The following RPS6KC1 variants were observed in gnomAD, a reference collection of about 807,000 sequenced individuals.
The protein encoded by RPS6KC1 is ribosomal protein S6 kinase C1.
In RPS6KC1, 54 loss-of-function variants were observed where a neutral mutation model predicts 103.8. The observed-to-expected ratio is 0.52, with a 90% CI of 0.42 to 0.65. RPS6KC1 has a LOEUF of 0.65. RPS6KC1 is among the 30% of genes least tolerant of loss of function. RPS6KC1 has a pLI of 0.00. For synonymous variants in RPS6KC1, 439 were observed against 438.7 expected (o/e 1.00, Z -0.01); for missense variants, 1,151 against 1,253.8 (o/e 0.92, Z 1.24).
At chr1:213,151,235 C>T (rs1460243331) in intron 6 of RPS6KC1, among the ~76,000 whole-genome samples, 8 of 128,222 alleles carry the variant, frequency 6.2e-5, no homozygotes, top group Non-Finnish European at 8.3e-5. Context: ...CCCCCACCTC[C>T]CTCCCGGACG....
At chr1:213,581,074 C>G in the RPS6KC1 span, among the ~76,000 whole-genome samples, 3 of 151,864 alleles carry the variant, frequency 2.0e-5, no homozygotes, top group African/African-American at 4.8e-5. Context: ...GGAACCAATC[C>G]CACATGAATT....
At chr1:213,312,796 A>G in the RPS6KC1 span, among the ~76,000 whole-genome samples, 2 of 152,216 alleles carry the variant, frequency 1.3e-5, no homozygotes, top group Non-Finnish European at 2.9e-5. Context: ...AGGTGTTTTG[A>G]GTTAGTTTTA....
At position 213,051,473 on chromosome 1, in the gene RPS6KC1, C is replaced by T. The variant is rs1476336131; in HGVS notation, c.69C>T (p.His23=). Residue 23 remains histidine (H), a synonymous_variant, in exon 1 of 15, where the codon CAC becomes CAT. Transcript: ENST00000366960. ...ACACTGTCACCGAGCCCCAGCGACA[C>T]CCGAGGGGCTACACAGTATATAAGG... ...RFYTVTEPQR[H]PRGYTVYKVT... 1.2e-6 allele frequency: 2 copies of T among 1,613,562 alleles called. No individual in the cohort carries two copies. The highest frequency in any genetic ancestry group is 2.7e-5 in the African/African-American group (2 of 74,908).
At chr1:213,752,373 G>C in the RPS6KC1 span, among the ~76,000 whole-genome samples, 2 of 152,110 alleles carry the variant, frequency 1.3e-5, no homozygotes, top group African/African-American at 2.4e-5. Context: ...AAAAAAAAAG[G>C]GTGGCCCCTG....
In RPS6KC1 at chr1:213,137,752, G is replaced by GCGCTCTCT. The variant is rs1553340080; in HGVS notation, c.835+7864_835+7865insGCTCTCTC. ...CTGTGCTTTGGTTTAAGTCCAGTTT[G>GCGCTCTCT]CTCTCTCTCTCTCTCTCTCTCTCTC... On this transcript the variant is annotated intron_variant, in intron 6 of 14. Transcript: ENST00000366960. Among the ~76,000 whole-genome samples, 55 of 12,208 alleles carry GCGCTCTCT rather than the reference G, an allele frequency of 4.5e-3. 1 individual carries two copies. Among genetic ancestry groups the GCGCTCTCT allele is most frequent in the African/African-American group, 9.6e-3 (53 of 5,500 alleles). The allele number at this position is 12,208 out of a possible 152,430, so 8.0% of individuals were successfully genotyped here. A position where few individuals can be genotyped will look rare whatever the true frequency, so the allele number is the denominator to read the frequency against.
chr1:213,811,890 A>G, the RPS6KC1 span, among the ~76,000 whole-genome samples: 4 of 152,356 alleles, frequency 2.6e-5, no homozygotes, highest in South Asian at 6.2e-4. Flanking sequence ...TCGAAATTCA[A>G]CCACTGAGCA....
At chr1:213,692,281 G>C in the RPS6KC1 span, among the ~76,000 whole-genome samples, 1 of 151,922 alleles carries the variant, frequency 6.6e-6, no homozygotes, top group Non-Finnish European at 1.5e-5. Context: ...TGTAGTCCCA[G>C]GTACCCAGGA....
At chr1:213,450,929 C>T in the RPS6KC1 span, among the ~76,000 whole-genome samples, 2 of 138,916 alleles carry the variant, frequency 1.4e-5, no homozygotes, top group African/African-American at 5.5e-5. Context: ...GAGCTGAGTT[C>T]GTGCCATTGC....
the RPS6KC1 span, among the ~76,000 whole-genome samples, chr1:213,617,147 G>A: frequency 4.6e-5 from 7 of 152,260 alleles, no homozygotes; most frequent in African/African-American, 1.7e-4. Flanking sequence ...ACAGGCTGCT[G>A]TAAAGTTCAC....
chr1:213,411,399 C>A, the RPS6KC1 span, among the ~76,000 whole-genome samples: 2 of 152,158 alleles, frequency 1.3e-5, no homozygotes, highest in East Asian at 3.9e-4. Flanking sequence ...AGTAGGCCAT[C>A]GGGCTTTTGC....
chr1:213,403,045 G>A, the RPS6KC1 span, among the ~76,000 whole-genome samples: 22 of 151,824 alleles, frequency 1.4e-4, no homozygotes, highest in African/African-American at 5.1e-4. Context: ...GGAGAATGGC[G>A]TGAACCCGAG....
the RPS6KC1 span, among the ~76,000 whole-genome samples, chr1:213,656,793 G>A: frequency 5.9e-5 from 9 of 152,274 alleles, no homozygotes; most frequent in Admixed American, 3.3e-4. Context: ...GATGGTATTT[G>A]GTTAGACAAT....
intron 6 of RPS6KC1, among the ~76,000 whole-genome samples, chr1:213,151,824 G>C (rs1198918569): frequency 1.0e-4 from 13 of 127,214 alleles, no homozygotes; most frequent in African/African-American, 3.7e-4. Context: ...CTGGCCGGGC[G>C]AGGGGCTGAC....
At chr1:213,842,083 G>A in the RPS6KC1 span, 1 of 152,066 alleles carries the variant, frequency 6.6e-6, no homozygotes, top group African/African-American at 2.4e-5. Flanking sequence ...CTAATTCAAG[G>A]GCTCTGTCCT....
the RPS6KC1 span, among the ~76,000 whole-genome samples, chr1:213,323,812 A>G: frequency 7.2e-5 from 11 of 152,112 alleles, no homozygotes; most frequent in Admixed American, 2.0e-4. Context: ...TCTATTATCA[A>G]TATCCCCCAC....
the RPS6KC1 span, among the ~76,000 whole-genome samples, chr1:213,519,776 G>A: frequency 6.6e-6 from 1 of 152,230 alleles, no homozygotes; most frequent in Non-Finnish European, 1.5e-5. Context: ...GATACTGGAT[G>A]ACTGCACTTC....
chr1:213,170,023 C>G (rs577525186), intron 7 of RPS6KC1, among the ~76,000 whole-genome samples: 1 of 152,246 alleles, frequency 6.6e-6, no homozygotes, highest in South Asian at 2.1e-4. Flanking sequence ...CTCAGGTGAT[C>G]CACCCACTTT....
At chr1:213,179,151 A>G (rs2092090154) in intron 8 of RPS6KC1, among the ~76,000 whole-genome samples, 1 of 152,128 alleles carries the variant, frequency 6.6e-6, no homozygotes, top group South Asian at 2.1e-4. Flanking sequence ...GCTGTGGCTC[A>G]TGCCTGTAAT....
At chr1:213,598,520 A>AT in the RPS6KC1 span, among the ~76,000 whole-genome samples, 3 of 152,266 alleles carry the variant, frequency 2.0e-5, no homozygotes, top group African/African-American at 7.2e-5. Flanking sequence ...GATCTTCAGA[A>AT]TCCCACAATC....
Sources: gnomAD v4.1 joint callset for allele counts (sites outside exome capture counted in the v4.1 genomes callset) on GRCh38, gnomAD v4.1.1 for gene constraint, MANE v1.5 for transcripts, NCBI Gene and HGNC (gene_info 2026-07-23, HGNC 2026-07-21) for gene names.